IFFO2: variants seen among roughly 807,000 people sequenced by gnomAD.
The protein encoded by IFFO2 is intermediate filament family orphan 2.
In IFFO2, 19 loss-of-function variants were observed where a neutral mutation model predicts 53.5. That is an observed-to-expected ratio of 0.36 (90% CI 0.25 to 0.52). The LOEUF is 0.52. Ranked by LOEUF, IFFO2 falls within the 20% of genes least tolerant of loss-of-function variation. The probability of loss-of-function intolerance (pLI) is 0.94; values close to 1 mark genes in which losing one functional copy is unlikely to be tolerated. For synonymous variants in IFFO2, 303 were observed against 313.6 expected (o/e 0.97, Z 0.36); for missense variants, 570 against 727.4 (o/e 0.78, Z 2.49).
At chr1:18,950,106 G>A (rs189935544) in intron 1 of IFFO2, among the ~76,000 whole-genome samples, 67 of 152,344 alleles carry the variant, frequency 4.4e-4, no homozygotes, top group African/African-American at 1.5e-3. Flanking sequence ...CTTAAAGGAA[G>A]TTGGGAGAAA....
chr1:18,933,984 G>A (rs1020648936), intron 1 of IFFO2, among the ~76,000 whole-genome samples: 1 of 147,644 alleles, frequency 6.8e-6, no homozygotes, highest in African/African-American at 2.5e-5. Context: ...CTGTGGATTC[G>A]ACTTCTGGGT....
intron 1 of IFFO2, among the ~76,000 whole-genome samples, chr1:18,950,680 C>T (rs1936648893): frequency 6.6e-6 from 1 of 152,198 alleles, no homozygotes; most frequent in African/African-American, 2.4e-5. Flanking sequence ...GGAACAAAGC[C>T]CTCAGCTTTC....
At chr1:18,910,136 G>A (rs910922229) in intron 8 of IFFO2, among the ~76,000 whole-genome samples, 4 of 152,166 alleles carry the variant, frequency 2.6e-5, no homozygotes, top group African/African-American at 9.7e-5. Context: ...GGTGGGACTT[G>A]CATGAGGTTA....
chr1:18,913,977 G>C (rs530236317), intron 5 of IFFO2, among the ~76,000 whole-genome samples: 4 of 150,162 alleles, frequency 2.7e-5, no homozygotes, highest in Non-Finnish European at 4.4e-5. Flanking sequence ...GACTACAGGC[G>C]CCCGCCACCA....
In IFFO2 at chr1:18,911,979, A is replaced by T. The variant is rs757623590; in HGVS notation, c.1208T>A (p.Ile403Asn). 2.8e-5 allele frequency: 43 copies of T among 1,551,724 alleles called. No individual in the cohort carries two copies. The East Asian group carries it at 1.0e-3, about 36-fold the overall frequency. ...WEDFTNCNPT[I>N]DLQGEQEENL... ...TGGGCTTACCTCGCCCTGCAGGTCG[A>T]TGGTCGGATTGCAGTTGGTGAAATC... is the stretch of plus-strand genomic sequence containing the variant. Residue 403 changes from isoleucine to asparagine, a missense_variant, in exon 6 of 9, where the codon ATC (isoleucine) becomes AAC (asparagine). Coordinates refer to ENST00000455833, the MANE Select transcript of IFFO2 (RefSeq NM_001136265.2).
At chr1:18,954,497 G>A (rs1936699505) in intron 1 of IFFO2, among the ~76,000 whole-genome samples, 1 of 152,236 alleles carries the variant, frequency 6.6e-6, no homozygotes, top group Admixed American at 6.5e-5. Flanking sequence ...AGAGATGGAA[G>A]GAAGGGTCCT....
chr1:18,931,838 C>T (rs1936379659), intron 1 of IFFO2, among the ~76,000 whole-genome samples: 1 of 152,194 alleles, frequency 6.6e-6, no homozygotes, highest in African/African-American at 2.4e-5. Context: ...CACTCCCTGC[C>T]CACACCCCCA....
Position 18,918,584 on chromosome 1 carries a change from A to C in IFFO2, c.823-82T>G. 1 of 1,327,920 alleles carries C rather than the reference A, an allele frequency of 7.5e-7. No homozygotes were observed. Among genetic ancestry groups the C allele is most frequent in the Non-Finnish European group, 1.0e-6 (1 of 978,396 alleles). The allele number at this position is 1,327,920 out of a possible 1,614,324, so 82.3% of individuals were successfully genotyped here. A position where few individuals can be genotyped will look rare whatever the true frequency, so the allele number is the denominator to read the frequency against. The stretch of plus-strand genomic sequence containing the variant: ...TTGGCAGAGAGGTGGGGAGACCCCT[A>C]GGTGTCAGCAGGGGTGGTGCGGGGA... On this transcript the variant is annotated intron_variant, in intron 3 of 8. Coordinates refer to ENST00000455833, the MANE Select transcript of IFFO2 (RefSeq NM_001136265.2). The surrounding 1 kb of genome is among the most constrained non-coding windows in gnomAD (Gnocchi z 5.2).
At chr1:18,950,480 G>T (rs1936646017) in intron 1 of IFFO2, among the ~76,000 whole-genome samples, 1 of 152,196 alleles carries the variant, frequency 6.6e-6, no homozygotes, top group African/African-American at 2.4e-5. Context: ...TTTTACAGAG[G>T]ACGAAGCGGG....
chr1:18,956,172 A>T lies in IFFO2; in HGVS notation c.161T>A (p.Ile54Asn). The change falls in exon 1 of 9, where the codon ATC becomes AAC. Residue 54 changes from isoleucine to asparagine, a missense_variant. Coordinates refer to ENST00000455833, the MANE Select transcript of IFFO2 (RefSeq NM_001136265.2). This position sits in a 1 kb window ranked among gnomAD's most constrained non-coding sequence, Gnocchi z 6.4. The part of the protein sequence containing the change: ...AALRDDLGSN[I>N]HLLKGLNVRF... ...CACGTTGAGCCCCTTCAAGAGGTGGATGTTGGAGCCCAGGTCGTCCCGCAG... is the reference window on the plus strand; with the variant it reads ...CACGTTGAGCCCCTTCAAGAGGTGGTTGTTGGAGCCCAGGTCGTCCCGCAG... 6.8e-7 allele frequency: 1 copy of T among 1,471,784 alleles called. No homozygotes were observed. The highest frequency in any genetic ancestry group is 9.1e-7 in the Non-Finnish European group (1 of 1,099,824). 91.2% of individuals were successfully genotyped at this position (1,471,784 alleles called of 1,614,324 possible). A position where few individuals can be genotyped will look rare whatever the true frequency, so the allele number is the denominator to read the frequency against.
intron 1 of IFFO2, among the ~76,000 whole-genome samples, chr1:18,921,538 C>G (rs1936215667): frequency 1.3e-5 from 2 of 152,214 alleles, no homozygotes; most frequent in African/African-American, 2.4e-5. Context: ...TTCTTTGCAC[C>G]CACAAGAAAC....
chr1:18,953,897 C>G (rs1193653046), intron 1 of IFFO2, among the ~76,000 whole-genome samples: 1 of 152,208 alleles, frequency 6.6e-6, no homozygotes, highest in Non-Finnish European at 1.5e-5. Context: ...AAAAAGCACA[C>G]ACACAATAAA....
chr1:18,943,435 A>G (rs1936545785), intron 1 of IFFO2, among the ~76,000 whole-genome samples: 1 of 152,192 alleles, frequency 6.6e-6, no homozygotes, highest in African/African-American at 2.4e-5. Context: ...ACTATTTGTC[A>G]GGCCACATGC....
rs1017443119 is a variant in IFFO2, at chr1:18,936,677, G to T, written c.666-15556C>A. On this transcript the variant is annotated intron_variant, in intron 1 of 8. Transcript: ENST00000455833. The surrounding 1 kb of genome is among the most constrained non-coding windows in gnomAD (Gnocchi z 4.5). Reference sequence around the variant, plus strand: ...TGGAGGTAAATGTAGGGCACCTCAGGGTAATCTCCCGCATACTTACTCACC... The same window carrying T: ...TGGAGGTAAATGTAGGGCACCTCAGTGTAATCTCCCGCATACTTACTCACC... Among the ~76,000 whole-genome samples the T allele has an allele frequency of 6.6e-6, 1 of 152,226 alleles. No homozygotes were observed. The highest frequency in any genetic ancestry group is 2.4e-5 in the African/African-American group (1 of 41,460).
rs1453494330 is a variant in IFFO2 at position 18,916,969 on chromosome 1, C to G, written c.1037G>C (p.Arg346Pro). ...DISEQDGEVN[R>P]FSDDEVGSMN... ...GGAGCCGACCTCATCGTCCGAGAAC[C>G]GGTTCACCTCCCCGTCCTGCTCAGA... Residue 346 changes from arginine (R) to proline (P), a missense_variant, in exon 5 of 9, where the codon CGG (arginine) becomes CCG (proline). Physicochemically the swap from Arg to Pro is moderately radical, Grantham distance 103. Coordinates refer to ENST00000455833, the MANE Select transcript of IFFO2 (RefSeq NM_001136265.2). The surrounding 1 kb of genome is among the most constrained non-coding windows in gnomAD (Gnocchi z 4.3). The G allele has an allele frequency of 1.3e-6, 2 of 1,552,142 alleles. No homozygotes were observed. The highest frequency in any genetic ancestry group is 2.4e-5 in the South Asian group (2 of 84,060).
intron 1 of IFFO2, among the ~76,000 whole-genome samples, chr1:18,932,961 G>A (rs1454032531): frequency 1.3e-5 from 2 of 152,194 alleles, no homozygotes; most frequent in Admixed American, 1.3e-4. Context: ...AGACACCCAG[G>A]CCCGGCAGCC....
intron 1 of IFFO2, among the ~76,000 whole-genome samples, chr1:18,932,776 T>A (rs1569853747): frequency 6.6e-6 from 1 of 151,984 alleles, no homozygotes; most frequent in Non-Finnish European, 1.5e-5. Flanking sequence ...TGAGGCAGGG[T>A]ACCTGGGTGC....
intron 1 of IFFO2, among the ~76,000 whole-genome samples, chr1:18,930,718 G>A (rs540640170): frequency 4.8e-4 from 73 of 152,222 alleles, no homozygotes; most frequent in Non-Finnish European, 7.1e-4. Flanking sequence ...CCAGCTGCTG[G>A]CTCTTTTGGG....
At chr1:18,910,266 CAT>C in intron 8 of IFFO2, 74 bp downstream of exon 8, 1 of 1,513,020 alleles carries the variant, frequency 6.6e-7, no homozygotes, top group South Asian at 1.2e-5. Context: ...GAGCATGACA[CAT>C]GGCCGAGTTG....
Sources: allele counts gnomAD v4.1 joint callset (sites outside exome capture counted in the v4.1 genomes callset), GRCh38; gene constraint gnomAD v4.1.1; non-coding constraint Gnocchi (gnomAD v3.1); transcripts MANE v1.5; gene names NCBI Gene and HGNC (gene_info 2026-07-23, HGNC 2026-07-21).